HSPH1: variants seen among roughly 807,000 people sequenced by gnomAD.
HSPH1 encodes heat shock protein family H (Hsp110) member 1.
A neutral mutation model predicts 100.0 loss-of-function variants in HSPH1; 40 were observed. That is an observed-to-expected ratio of 0.40 (90% CI 0.31 to 0.52). The LOEUF is 0.52. Ranked by LOEUF, HSPH1 falls within the 20% of genes least tolerant of loss-of-function variation. The probability of loss-of-function intolerance (pLI) is 0.54; values close to 1 mark genes in which losing one functional copy is unlikely to be tolerated. For synonymous variants in HSPH1, 403 were observed against 344.0 expected (o/e 1.17, Z -1.90); for missense variants, 876 against 1,015.1 (o/e 0.86, Z 1.86).
At position 31,152,456 on chromosome 13, in the gene HSPH1, G is replaced by A. The variant is rs112736253; in HGVS notation, c.529+396C>T. ...AGGCTTAAAGCAATATTTGATAAAT[G>A]ATCACCTATCTACAGTTCAGTAGAT... On this transcript the variant is annotated intron_variant, in intron 5 of 17. Transcript: ENST00000320027. 711 of 183,432 alleles carry A rather than the reference G, an allele frequency of 3.9e-3. 9 individuals carry two copies. Among genetic ancestry groups the A allele is most frequent in the African/African-American group, 0.016 (670 of 41,768 alleles). The allele number at this position is 183,432 out of a possible 1,614,324, so 11.4% of individuals were successfully genotyped here. A position where few individuals can be genotyped will look rare whatever the true frequency, so the allele number is the denominator to read the frequency against.
In HSPH1 at chr13:31,138,834, G is replaced by A. The variant is rs781357388; in HGVS notation, c.2155C>T (p.Leu719=). 1.2e-6 allele frequency: 2 copies of A among 1,611,434 alleles called. No individual in the cohort carries two copies. Among genetic ancestry groups the A allele is most frequent in the Admixed American group, 3.3e-5 (2 of 59,928 alleles). ...GCATAATGCTGCAGCCTCTGTCCTA[G>A]TTCTTCAAACATTTTTGGCCGTTCT... ...AEERPKMFEE[L]GQRLQHYAKI... The change falls in exon 16 of 18, where the codon CTA becomes TTA. Residue 719 remains leucine (L), a synonymous_variant. Coordinates refer to ENST00000320027, the MANE Select transcript of HSPH1 (RefSeq NM_006644.4).
intron 5 of HSPH1, 79 bp downstream of exon 5, chr13:31,152,773 T>A: frequency 4.1e-6 from 4 of 979,026 alleles, no homozygotes; most frequent in African/African-American, 1.6e-5. Flanking sequence ...TGTTTCTGTA[T>A]CTATAAGAAA....
upstream of HSPH1, chr13:31,162,165 C>A: frequency 2.2e-6 from 3 of 1,347,982 alleles, no homozygotes; most frequent in Non-Finnish European, 3.1e-6. Flanking sequence ...TAGCCACAGG[C>A]GTTTTGCTGC....
At chr13:31,162,345 T>C, upstream of HSPH1, 3 of 564,444 alleles carry the variant, frequency 5.3e-6, no homozygotes, top group South Asian at 4.1e-5. Flanking sequence ...CGGCCAGCTG[T>C]CCGGAGAGCA....
At chr13:31,139,178 TTC>T in intron 14 of HSPH1, 71 bp from the exon 15 acceptor site, 1 of 952,688 alleles carries the variant, frequency 1.0e-6, no homozygotes, top group Admixed American at 1.7e-5. Context: ...CAAAGAGGTA[TTC>T]TCACACTAGG....
chr13:31,158,797 A>G lies in HSPH1; in HGVS notation c.165+9T>C. The stretch of plus-strand genomic sequence containing the variant: ...TAAAAAGTGATCCGAATTCTCTTAA[A>G]GAACATACCTGATTTTTGGCTGCAA... On this transcript the variant is annotated intron_variant, in intron 2 of 17. Transcript: ENST00000320027. The G allele has an allele frequency of 6.3e-7, 1 of 1,583,806 alleles. No individual in the cohort carries two copies. The highest frequency in any genetic ancestry group is 8.7e-7 in the Non-Finnish European group (1 of 1,152,524).
chr13:31,150,976 A>G lies in HSPH1; in HGVS notation c.879T>C (p.Asn293=). 1 of 1,611,678 alleles carries G rather than the reference A, an allele frequency of 6.2e-7. No homozygotes were observed. Among genetic ancestry groups the G allele is most frequent in the Middle Eastern group, 1.7e-4 (1 of 6,036 alleles). Residue 293 remains asparagine (N), a synonymous_variant, in exon 7 of 18, where the codon AAT becomes AAC. Transcript: ENST00000320027. ...DLPLNIECFM[N]DKDVSGKMNR... The stretch of plus-strand genomic sequence containing the variant: ...TCATCTTTCCGGAAACATCTTTATC[A>G]TTCATAAAGCATTCGATATTCAGTG...
At chr13:31,151,327 C>T (rs899955396) in intron 6 of HSPH1, 136 bp from the exon 7 acceptor site, 5 of 799,170 alleles carry the variant, frequency 6.3e-6, no homozygotes, top group Admixed American at 6.3e-5. Context: ...AAATCCAAAT[C>T]AGTCAGGAAT....
chr13:31,144,242 C>CT (rs1956195387), intron 11 of HSPH1, among the ~76,000 whole-genome samples: 1 of 152,122 alleles, frequency 6.6e-6, no homozygotes, highest in Admixed American at 6.6e-5. Context: ...TATTAATTCT[C>CT]TAAGGCACTG....
At chr13:31,145,848 G>A (rs1956248213) in intron 10 of HSPH1, 80 bp from the exon 11 acceptor site, 1 of 1,328,312 alleles carries the variant, frequency 7.5e-7, no homozygotes, top group South Asian at 1.3e-5. Flanking sequence ...AGGCCAGGTG[G>A]GTGGTTCATG....
At chr13:31,148,562 A>G in intron 8 of HSPH1, 82 bp from the exon 9 acceptor site, 2 of 188,220 alleles carry the variant, frequency 1.1e-5, no homozygotes, top group Middle Eastern at 1.4e-3. Flanking sequence ...CAATGGATGG[A>G]CAGGGTTTTC....
rs1284406569 is a variant in HSPH1, at chr13:31,138,766, A to G, written c.2208+15T>C. ...TAGGTTAACTTCCTCCCTATGTACA[A>G]AAAGACTGACTCACCTTATTTCTGA... On this transcript the variant is annotated intron_variant, in intron 16 of 17. Coordinates refer to ENST00000320027, the MANE Select transcript of HSPH1 (RefSeq NM_006644.4). 6.3e-7 allele frequency: 1 copy of G among 1,596,980 alleles called. No individual in the cohort carries two copies. Among genetic ancestry groups the G allele is most frequent in the Non-Finnish European group, 8.5e-7 (1 of 1,175,346 alleles).
chr13:31,150,505 C>T (rs1262486013), intron 7 of HSPH1, among the ~76,000 whole-genome samples: 7 of 152,110 alleles, frequency 4.6e-5, no homozygotes, highest in South Asian at 2.1e-4. Flanking sequence ...CTCACTGGAG[C>T]CTCAAATTCC....
chr13:31,152,175 A>G (rs957835733), intron 5 of HSPH1: 9 of 153,318 alleles, frequency 5.9e-5, no homozygotes, highest in East Asian at 1.9e-4. Context: ...TCAACCTTAA[A>G]AAGTTTTTTT....
At chr13:31,148,932 T>C (rs971871261) in intron 8 of HSPH1, among the ~76,000 whole-genome samples, 1 of 152,156 alleles carries the variant, frequency 6.6e-6, no homozygotes, top group African/African-American at 2.4e-5. Flanking sequence ...CAAGCAATGG[T>C]AAATTCAAAT....
Position 31,148,053 on chromosome 13 carries a change from G to A in HSPH1, c.1284C>T (p.Phe428=). ...TTCTCAGAAAGGTGAGAACTTTGGA[G>A]AAAGGAGCAGCATGGTTTCGACTAA... ...EVFSRNHAAP[F]SKVLTFLRRG... is the part of the protein sequence containing the mutation. Residue 428 remains phenylalanine, a synonymous_variant, in exon 10 of 18, where the codon TTC becomes TTT. Coordinates refer to ENST00000320027, the MANE Select transcript of HSPH1 (RefSeq NM_006644.4). The A allele has an allele frequency of 1.2e-6, 2 of 1,610,836 alleles. No individual in the cohort carries two copies. The highest frequency in any genetic ancestry group is 1.7e-6 in the Non-Finnish European group (2 of 1,178,760).
intron 5 of HSPH1, chr13:31,152,356 C>T (rs997121261): frequency 1.3e-5 from 2 of 152,546 alleles, no homozygotes; most frequent in Admixed American, 6.5e-5. Flanking sequence ...AATAAACTAC[C>T]AAAAGCTCAA....
intron 2 of HSPH1, among the ~76,000 whole-genome samples, chr13:31,157,965 T>A (rs1017044731): frequency 1.6e-4 from 25 of 152,250 alleles, no homozygotes; most frequent in African/African-American, 6.0e-4. Context: ...AAAAATCTCA[T>A]GTGTATTTTA....
chr13:31,160,989 G>A (rs776119537), intron 1 of HSPH1, among the ~76,000 whole-genome samples: 1 of 152,254 alleles, frequency 6.6e-6, no homozygotes, highest in African/African-American at 2.4e-5. Context: ...TCACAATGCG[G>A]AAGAAAAAGG....
Sources: gnomAD v4.1 joint callset for allele counts (sites outside exome capture counted in the v4.1 genomes callset) on GRCh38, gnomAD v4.1.1 for gene constraint, MANE v1.5 for transcripts, NCBI Gene and HGNC (gene_info 2026-07-23, HGNC 2026-07-21) for gene names.